The following RBMS1 variants were observed in gnomAD, a reference collection of about 807,000 sequenced individuals.
RBMS1 encodes RNA binding motif single stranded interacting protein 1.
A neutral mutation model predicts 62.3 loss-of-function variants in RBMS1; 17 were observed. That is an observed-to-expected ratio of 0.27 (90% confidence interval 0.19 to 0.41). The LOEUF (loss-of-function observed/expected upper bound fraction) is 0.41. Ranked by LOEUF, RBMS1 falls within the 10% of genes least tolerant of loss-of-function variation. The pLI is 1.00. For synonymous variants in RBMS1, 172 were observed against 170.0 expected, an observed-to-expected ratio of 1.01 and a Z score of -0.09; for missense variants, 334 against 504.5, an observed-to-expected ratio of 0.66 and a Z score of 3.24.
At position 160,278,676 on chromosome 2, in the gene RBMS1, G is replaced by GGA. The variant is rs780239025; in HGVS notation, c.952-20_952-19dup. ...ACGGCACCCTGGGGAGTTGGAGACA[G>GGA]GAGCAAAATTAGACAAACTGAGGCA... On this transcript the variant is annotated intron_variant, in intron 10 of 13. Transcript: ENST00000348849. The GGA allele has an allele frequency of 8.6e-5, 133 of 1,544,486 alleles. 1 individual carries two copies. Among genetic ancestry groups the GGA allele is most frequent in the Non-Finnish European group, 1.1e-4 (128 of 1,125,914 alleles).
At chr2:160,454,911 TATA>T (rs1337131044) in intron 1 of RBMS1, among the ~76,000 whole-genome samples, 1 of 152,224 alleles carries the variant, frequency 6.6e-6, no homozygotes, top group African/African-American at 2.4e-5. Flanking sequence ...GTATACTTAG[TATA>T]ATAATTATTT....
At chr2:160,303,295 T>C (rs374165069) in intron 5 of RBMS1, 35 bp downstream of exon 5, 1 of 1,540,944 alleles carries the variant, frequency 6.5e-7, no homozygotes, top group African/African-American at 1.4e-5. Flanking sequence ...AAAGCTATTG[T>C]TGTTGACATA....
At chr2:160,301,964 C>T (rs1689231597) in intron 5 of RBMS1, among the ~76,000 whole-genome samples, 3 of 152,292 alleles carry the variant, frequency 2.0e-5, no homozygotes, top group South Asian at 2.1e-4. Context: ...AATATATACA[C>T]ATTATTTGTT....
intron 1 of RBMS1, among the ~76,000 whole-genome samples, chr2:160,413,917 T>C (rs1476122354): frequency 2.0e-5 from 3 of 152,150 alleles, no homozygotes; most frequent in Non-Finnish European, 2.9e-5. Context: ...GACTCCAAAG[T>C]CCCCTGTCTC....
intron 1 of RBMS1, among the ~76,000 whole-genome samples, chr2:160,439,464 G>C (rs571104221): frequency 2.5e-4 from 38 of 151,502 alleles, no homozygotes; most frequent in African/African-American, 6.3e-4. Flanking sequence ...ATGGGCAGCC[G>C]GGCAGAGACG....
At position 160,458,458 on chromosome 2, in the gene RBMS1, G is replaced by A. The variant is rs377671473; in HGVS notation, c.75+34831C>T. 5.9e-5 allele frequency among the ~76,000 whole-genome samples: 9 copies of A among 152,304 alleles called. No homozygotes were observed. The East Asian group carries it at 1.4e-3, about 23-fold the overall frequency. On this transcript the variant is annotated intron_variant, in intron 1 of 13. Coordinates refer to ENST00000348849, the MANE Select transcript of RBMS1 (RefSeq NM_016836.4). The stretch of plus-strand genomic sequence containing the variant: ...CTTCCTCAGATCTGTAGTAAAAATT[G>A]TTGGTCACATCTTGGTTTCCTGGAT...
At chr2:160,485,025 A>G (rs1355179285) in intron 1 of RBMS1, among the ~76,000 whole-genome samples, 1 of 152,230 alleles carries the variant, frequency 6.6e-6, no homozygotes, top group Non-Finnish European at 1.5e-5. Flanking sequence ...AGGAGAGTAA[A>G]GAAAAGCTGT....
At chr2:160,282,698 T>C (rs1236467190) in intron 9 of RBMS1, 1 of 165,832 alleles carries the variant, frequency 6.0e-6, no homozygotes, top group Non-Finnish European at 1.3e-5. Flanking sequence ...GGAATAATAA[T>C]GTTTTGTAAA....
At chr2:160,330,977 A>G (rs1394720829) in intron 2 of RBMS1, among the ~76,000 whole-genome samples, 1 of 152,188 alleles carries the variant, frequency 6.6e-6, no homozygotes, top group Non-Finnish European at 1.5e-5. Context: ...AGGCTGCGTG[A>G]AAACGGAGGC....
chr2:160,408,192 T>A (rs1416944250), intron 1 of RBMS1, among the ~76,000 whole-genome samples: 6 of 152,020 alleles, frequency 3.9e-5, no homozygotes, highest in African/African-American at 1.4e-4. Context: ...CTCGGTTCTT[T>A]CCTAAGCACC....
rs890226528 is a variant in RBMS1 at position 160,309,914 on chromosome 2, G to A, written c.402+3242C>T. 2.0e-5 allele frequency among the ~76,000 whole-genome samples: 3 copies of A among 152,266 alleles called. No individual in the cohort carries two copies. The South Asian group carries it at 6.2e-4, about 32-fold the overall frequency. ...CTACTTGGAGCAGACCTAATCCAGG[G>A]AAGGGAGAAGCTTCAGCTGAAGATT... On this transcript the variant is annotated intron_variant, in intron 4 of 13. Transcript: ENST00000348849.
intron 5 of RBMS1, among the ~76,000 whole-genome samples, chr2:160,301,270 T>G (rs1167641546): frequency 1.3e-5 from 2 of 152,220 alleles, no homozygotes; most frequent in Non-Finnish European, 2.9e-5. Flanking sequence ...AACTATATAC[T>G]TTCTTTGTCA....
At chr2:160,360,814 GATA>G (rs1392965683) in intron 2 of RBMS1, among the ~76,000 whole-genome samples, 21 of 152,094 alleles carry the variant, frequency 1.4e-4, no homozygotes, top group Admixed American at 1.4e-3. Context: ...CCACATTGAT[GATA>G]ATACTATCCT....
rs900688876 is a variant in RBMS1 at position 160,400,643 on chromosome 2, A to T, written c.76-33252T>A. On this transcript the variant is annotated intron_variant, in intron 1 of 13. Coordinates refer to ENST00000348849, the MANE Select transcript of RBMS1 (RefSeq NM_016836.4). ...TAATCTAGAATATGAAATTTCATAT[A>T]TATAGCTACGTTTCCCCCTCACTAA... Among the ~76,000 whole-genome samples the T allele has an allele frequency of 5.9e-5, 9 of 152,308 alleles. No homozygotes were observed. The East Asian group carries it at 1.7e-3, about 29-fold the overall frequency.
At chr2:160,413,111 T>C (rs377245611) in intron 1 of RBMS1, among the ~76,000 whole-genome samples, 2 of 152,232 alleles carry the variant, frequency 1.3e-5, no homozygotes, top group Non-Finnish European at 2.9e-5. Context: ...TATCCCTCTA[T>C]TGCTGTTGAA....
At chr2:160,312,222 G>A (rs1160469885) in intron 4 of RBMS1, among the ~76,000 whole-genome samples, 2 of 152,136 alleles carry the variant, frequency 1.3e-5, no homozygotes. Context: ...CATTACTTTT[G>A]GAAGAGGGTC....
chr2:160,351,264 C>T (rs1220739458), intron 2 of RBMS1, among the ~76,000 whole-genome samples: 3 of 151,394 alleles, frequency 2.0e-5, no homozygotes, highest in Non-Finnish European at 4.4e-5. Context: ...AAACATGGCA[C>T]ATATATACAT....
At chr2:160,284,232 ATTTAT>A (rs1168488541) in intron 9 of RBMS1, 1 of 153,596 alleles carries the variant, frequency 6.5e-6, no homozygotes, top group African/African-American at 2.4e-5. Context: ...TAAGTTGGGA[ATTTAT>A]TTTAAGGTAA....
intron 2 of RBMS1, among the ~76,000 whole-genome samples, chr2:160,354,333 A>C (rs747316892): frequency 6.6e-6 from 1 of 152,162 alleles, no homozygotes; most frequent in Non-Finnish European, 1.5e-5. Context: ...AACTAAGGGT[A>C]ATGAATAGGG....
Sources: allele counts gnomAD v4.1 joint callset (sites outside exome capture counted in the v4.1 genomes callset), GRCh38; gene constraint gnomAD v4.1.1; transcripts MANE v1.5; gene names NCBI Gene and HGNC (gene_info 2026-07-23, HGNC 2026-07-21).